SGCD: variants seen among roughly 807,000 people sequenced by gnomAD.
SGCD encodes the protein delta-sarcoglycan.
A neutral mutation model predicts 36.6 loss-of-function variants in SGCD; 18 were observed. The observed-to-expected ratio is 0.49, with a 90% confidence interval of 0.34 to 0.73. The LOEUF (loss-of-function observed/expected upper bound fraction) is 0.73, where lower values mean the gene tolerates loss of function less well. Among genes scored for constraint, SGCD ranks in the 30% least tolerant of loss-of-function variants. The probability of loss-of-function intolerance (pLI) is 0.01; values close to 1 mark genes in which losing one functional copy is unlikely to be tolerated. For synonymous variants in SGCD, 133 were observed against 130.6 expected (o/e 1.02, Z -0.12); for missense variants, 387 against 346.7 (o/e 1.12, Z -0.92).
chr5:156,518,841 G>T (rs186275602), intron 4 of SGCD, among the ~76,000 whole-genome samples: 1 of 152,252 alleles, frequency 6.6e-6, no homozygotes, highest in Non-Finnish European at 1.5e-5. Context: ...TCTCTGGGAT[G>T]CAGTTAAAGC....
At chr5:156,147,389 C>G (rs1762729286) in intron 3 of SGCD, among the ~76,000 whole-genome samples, 1 of 152,198 alleles carries the variant, frequency 6.6e-6, no homozygotes, top group Admixed American at 6.5e-5. Flanking sequence ...ACTGTCATAT[C>G]TAAAAGAGTT....
At chr5:156,078,696 GTA>G (rs930179041) in intron 1 of SGCD, among the ~76,000 whole-genome samples, 4 of 147,904 alleles carry the variant, frequency 2.7e-5, no homozygotes, top group Non-Finnish European at 3.0e-5. Flanking sequence ...GTGTGTGTAT[GTA>G]TATATATATA....
chr5:156,243,250 A>G (rs1330617587), intron 3 of SGCD, among the ~76,000 whole-genome samples: 1 of 152,206 alleles, frequency 6.6e-6, no homozygotes, highest in East Asian at 1.9e-4. Context: ...TCCACATGGA[A>G]CAGTGGCACA....
At chr5:156,729,066 G>T (rs1035086592) in intron 7 of SGCD, among the ~76,000 whole-genome samples, 8 of 152,104 alleles carry the variant, frequency 5.3e-5, no homozygotes, top group African/African-American at 1.9e-4. Context: ...TCATTAGAAA[G>T]TAATTGAAAA....
At chr5:155,785,169 A>G in the SGCD span, among the ~76,000 whole-genome samples, 2 of 152,200 alleles carry the variant, frequency 1.3e-5, no homozygotes, top group African/African-American at 4.8e-5. Flanking sequence ...TAATAAGGAA[A>G]TTCATAAATA....
chr5:155,758,309 T>C, the SGCD span, among the ~76,000 whole-genome samples: 62 of 152,334 alleles, frequency 4.1e-4, 1 homozygote, highest in East Asian at 0.012. Context: ...GTGATTTTCC[T>C]GATTGGTGTT....
chr5:155,783,981 T>C, the SGCD span, among the ~76,000 whole-genome samples: 2 of 152,206 alleles, frequency 1.3e-5, no homozygotes, highest in South Asian at 4.1e-4. Context: ...GCCATGCCAT[T>C]ACATAGCTTA....
At chr5:156,103,213 G>A (rs1549887) in intron 1 of SGCD, among the ~76,000 whole-genome samples, 67,240 of 151,936 alleles carry the variant, frequency 0.44, 15,603 homozygotes, top group African/African-American at 0.58. Flanking sequence ...AGAGTTGGAT[G>A]AAGAGTAATG....
chr5:156,568,114 G>C (rs1243262676), intron 4 of SGCD, among the ~76,000 whole-genome samples: 2 of 152,156 alleles, frequency 1.3e-5, no homozygotes, highest in Non-Finnish European at 2.9e-5. Flanking sequence ...CAGGGGCTGG[G>C]TGTGGTGGCT....
intron 1 of SGCD, among the ~76,000 whole-genome samples, chr5:156,077,850 T>C (rs776383231): frequency 2.0e-5 from 3 of 151,946 alleles, no homozygotes; most frequent in Non-Finnish European, 4.4e-5. Flanking sequence ...GCTGTGGAGG[T>C]TGGAAACAAG....
chr5:156,396,436 T>G (rs1771851753), intron 3 of SGCD, among the ~76,000 whole-genome samples: 1 of 152,162 alleles, frequency 6.6e-6, no homozygotes, highest in Admixed American at 6.6e-5. Flanking sequence ...TTTTTGTGTG[T>G]TTTTATTGTT....
At chr5:156,268,579 C>A (rs942421256) in intron 3 of SGCD, among the ~76,000 whole-genome samples, 2 of 150,986 alleles carry the variant, frequency 1.3e-5, no homozygotes, top group African/African-American at 4.9e-5. Context: ...TCCTTCCTTC[C>A]TTCCTTCCTT....
chr5:156,630,390 C>G (rs908900714), intron 6 of SGCD, among the ~76,000 whole-genome samples: 4 of 152,174 alleles, frequency 2.6e-5, no homozygotes, highest in African/African-American at 9.6e-5. Context: ...GGCAAACTGA[C>G]ACTAGCTTAT....
chr5:156,344,825 C>T lies in SGCD; in HGVS notation c.192+148C>T, dbSNP rs1768865458. The stretch of plus-strand genomic sequence containing the variant: ...GTTTTGGTGAAAGAGCATTTCTGTT[C>T]AGATTGAATATGGATATTGACTTCT... On this transcript the variant is annotated intron_variant, in intron 3 of 8. Coordinates refer to ENST00000337851, the MANE Select transcript of SGCD (RefSeq NM_000337.6). 6.7e-6 allele frequency: 4 copies of T among 596,600 alleles called. No individual in the cohort carries two copies. The South Asian group carries it at 9.3e-5, about 14-fold the overall frequency. The allele number at this position is 596,600 out of a possible 1,614,324, so 37.0% of individuals were successfully genotyped here. A position where few individuals can be genotyped will look rare whatever the true frequency, so the allele number is the denominator to read the frequency against.
chr5:156,213,172 C>T (rs528255389), intron 3 of SGCD, among the ~76,000 whole-genome samples: 6 of 151,736 alleles, frequency 4.0e-5, no homozygotes, highest in South Asian at 2.1e-4. Context: ...CAAATGAGAT[C>T]GAGACTAGAA....
intron 1 of SGCD, among the ~76,000 whole-genome samples, chr5:156,032,093 C>A (rs1016793565): frequency 3.3e-5 from 5 of 151,562 alleles, no homozygotes; most frequent in Non-Finnish European, 7.4e-5. Context: ...CATATGAACA[C>A]GTGTATAGAT....
intron 1 of SGCD, among the ~76,000 whole-genome samples, chr5:155,892,816 C>T (rs889471959): frequency 1.3e-5 from 2 of 152,196 alleles, no homozygotes; most frequent in African/African-American, 4.8e-5. Context: ...CATTCATCCA[C>T]TGATGGACAG....
intron 1 of SGCD, among the ~76,000 whole-genome samples, chr5:155,999,204 G>A (rs1477396758): frequency 6.6e-6 from 1 of 152,184 alleles, no homozygotes; most frequent in Non-Finnish European, 1.5e-5. Flanking sequence ...GTTTTCAGTA[G>A]ATATTACAGA....
At chr5:156,046,075 A>G (rs1759757634) in intron 1 of SGCD, among the ~76,000 whole-genome samples, 1 of 152,138 alleles carries the variant, frequency 6.6e-6, no homozygotes, top group Non-Finnish European at 1.5e-5. Flanking sequence ...ATTATAATAC[A>G]TAGCTCAGTG....
Sources: gnomAD v4.1 joint callset for allele counts (sites outside exome capture counted in the v4.1 genomes callset) on GRCh38, gnomAD v4.1.1 for gene constraint, MANE v1.5 for transcripts, NCBI Gene and HGNC (gene_info 2026-07-23, HGNC 2026-07-21) for gene names.